GPM6A: variants seen among roughly 807,000 people sequenced by gnomAD.
The protein encoded by GPM6A is glycoprotein M6A.
A neutral mutation model predicts 32.1 loss-of-function variants in GPM6A; 7 were observed. The observed-to-expected ratio is 0.22, with a 90% CI of 0.12 to 0.41. GPM6A has a LOEUF of 0.41. GPM6A is among the 10% of genes least tolerant of loss of function. The probability of loss-of-function intolerance (pLI) is 1.00; values close to 1 mark genes in which losing one functional copy is unlikely to be tolerated. For missense variants in GPM6A, 235 were observed against 347.2 expected, an observed-to-expected ratio of 0.68 and a Z score of 2.57; for synonymous variants, 130 against 123.4, an observed-to-expected ratio of 1.05 and a Z score of -0.35.
At chr4:175,857,188 A>T (rs1448300379) in intron 1 of GPM6A, among the ~76,000 whole-genome samples, 1 of 152,242 alleles carries the variant, frequency 6.6e-6, no homozygotes, top group African/African-American at 2.4e-5. Flanking sequence ...AATGTAATTG[A>T]TTCAATAAAC....
chr4:175,728,066 C>A (rs1017307659), intron 1 of GPM6A, among the ~76,000 whole-genome samples: 4 of 150,286 alleles, frequency 2.7e-5, no homozygotes, highest in African/African-American at 9.8e-5. Flanking sequence ...AATTTCAGAT[C>A]ATCTCACTTC....
rs532392063 is a variant in GPM6A, at chr4:175,715,922, G to T, written c.38-14155C>A. On this transcript the variant is annotated intron_variant, in intron 1 of 6. Transcript: ENST00000393658. ...CTCTACTAAATATACAAAATTAGCT[G>T]GGTGTGGTGGCACATGCCTGTAATC... Among the ~76,000 whole-genome samples the T allele has an allele frequency of 1.8e-3, 281 of 152,178 alleles. 2 individuals carry two copies. The highest frequency in any genetic ancestry group is 6.2e-3 in the African/African-American group (256 of 41,530).
At chr4:175,734,296 A>G (rs1228152065) in intron 1 of GPM6A, among the ~76,000 whole-genome samples, 1 of 152,056 alleles carries the variant, frequency 6.6e-6, no homozygotes, top group Non-Finnish European at 1.5e-5. Context: ...TTGCACCCAA[A>G]AGACCCTCAA....
At chr4:175,774,489 A>G (rs1025108785) in intron 1 of GPM6A, among the ~76,000 whole-genome samples, 33 of 152,092 alleles carry the variant, frequency 2.2e-4, no homozygotes, top group Non-Finnish European at 4.9e-4. Flanking sequence ...TAAAATAATA[A>G]AACAATCAAA....
chr4:175,810,006 T>C (rs1734851338), intron 1 of GPM6A, among the ~76,000 whole-genome samples: 1 of 152,196 alleles, frequency 6.6e-6, no homozygotes, highest in Admixed American at 6.5e-5. Flanking sequence ...GAAAACTCTG[T>C]GCTATTTGAA....
chr4:175,731,836 C>T (rs1731446377), intron 1 of GPM6A, among the ~76,000 whole-genome samples: 1 of 152,172 alleles, frequency 6.6e-6, no homozygotes. Flanking sequence ...TCCAGCCCCG[C>T]TAGCCTTGCC....
chr4:175,801,587 T>G (rs973872718), intron 1 of GPM6A, among the ~76,000 whole-genome samples: 3 of 152,096 alleles, frequency 2.0e-5, no homozygotes, highest in Non-Finnish European at 4.4e-5. Flanking sequence ...TGGAATGAAA[T>G]GACCAGTGGA....
rs530661552 is a variant in GPM6A at position 175,824,555 on chromosome 4, G to GT, written c.-22-12307dup. Among the ~76,000 whole-genome samples, 669 of 152,096 alleles carry GT rather than the reference G, an allele frequency of 4.4e-3. 2 individuals are homozygous for GT. Among genetic ancestry groups the GT allele is most frequent in the Non-Finnish European group, 7.5e-3 (510 of 68,004 alleles). On this transcript the variant is annotated intron_variant, in intron 1 of 7. Coordinates refer to the GPM6A transcript ENST00000280187. ...TACATTTTTTATTTTTAATATTTCA[G>GT]TATGTCTGATATCCATTTCCCCTGC...
At chr4:175,970,927 C>T (rs115861590) in intron 1 of GPM6A, 84 of 456,100 alleles carry the variant, frequency 1.8e-4, no homozygotes, top group African/African-American at 1.5e-3. Context: ...AACTGAAGAA[C>T]ACAGGGTGCG....
intron 1 of GPM6A, among the ~76,000 whole-genome samples, chr4:175,768,647 G>C (rs929746894): frequency 6.6e-6 from 1 of 152,044 alleles, no homozygotes; most frequent in African/African-American, 2.4e-5. Flanking sequence ...CCTTATAAGA[G>C]TAGTTTATGC....
chr4:175,705,679 C>T (rs1745150044), intron 1 of GPM6A, among the ~76,000 whole-genome samples: 1 of 152,116 alleles, frequency 6.6e-6, no homozygotes, highest in Non-Finnish European at 1.5e-5. Flanking sequence ...GGATAGGTTC[C>T]CAACAATCAC....
intron 1 of GPM6A, among the ~76,000 whole-genome samples, chr4:175,777,014 T>G (rs1733423228): frequency 6.6e-6 from 1 of 152,206 alleles, no homozygotes; most frequent in African/African-American, 2.4e-5. Context: ...TGTGCACGTA[T>G]TTTAATAACA....
intron 1 of GPM6A, among the ~76,000 whole-genome samples, chr4:175,776,188 T>C (rs1024180159): frequency 4.6e-5 from 7 of 152,174 alleles, no homozygotes; most frequent in Non-Finnish European, 8.8e-5. Context: ...AATAAAACTT[T>C]CTTAGAGAAA....
At chr4:175,818,429 A>G (rs1353357270) in intron 1 of GPM6A, among the ~76,000 whole-genome samples, 1 of 152,234 alleles carries the variant, frequency 6.6e-6, no homozygotes, top group African/African-American at 2.4e-5. Flanking sequence ...CAATATACAT[A>G]TAGATATAGT....
rs142364639 is a variant in GPM6A, at chr4:175,910,959, A to C, written c.-23+91350T>G. Among the ~76,000 whole-genome samples the C allele has an allele frequency of 3.6e-3, 549 of 151,904 alleles. 2 individuals carry two copies. Among genetic ancestry groups the C allele is most frequent in the Non-Finnish European group, 6.8e-3 (463 of 67,960 alleles). On this transcript the variant is annotated intron_variant, in intron 1 of 7. Transcript: ENST00000280187. ...TTTGGCCCGAGGTCTTGGCATGCCA[A>C]CCTCTCCCTCAGACAGCCTTAAATA...
chr4:175,839,215 T>G (rs914811360), intron 1 of GPM6A, among the ~76,000 whole-genome samples: 1 of 152,136 alleles, frequency 6.6e-6, no homozygotes, highest in Non-Finnish European at 1.5e-5. Flanking sequence ...TACACTAGAA[T>G]AAACTCCTGA....
chr4:175,650,297 T>TA (rs971775583), intron 4 of GPM6A, among the ~76,000 whole-genome samples: 6 of 145,308 alleles, frequency 4.1e-5, no homozygotes, highest in African/African-American at 1.6e-4. Context: ...TTTATTTATT[T>TA]ATTTATTTAT....
intron 1 of GPM6A, among the ~76,000 whole-genome samples, chr4:175,951,055 C>T (rs1018161825): frequency 3.9e-5 from 6 of 152,060 alleles, no homozygotes; most frequent in African/African-American, 1.4e-4. Flanking sequence ...CCACCCATTC[C>T]AAGTGACCAC....
intron 1 of GPM6A, among the ~76,000 whole-genome samples, chr4:175,982,746 T>A (rs772553284): frequency 2.6e-5 from 4 of 152,190 alleles, no homozygotes; most frequent in Non-Finnish European, 5.9e-5. Flanking sequence ...CCTTTCCATA[T>A]GAATTTGAGA....
Sources: allele counts gnomAD v4.1 joint callset (sites outside exome capture counted in the v4.1 genomes callset), GRCh38; gene constraint gnomAD v4.1.1; transcripts MANE v1.5; gene names NCBI Gene and HGNC (gene_info 2026-07-23, HGNC 2026-07-21).